CTNNA3: variants seen among roughly 807,000 people sequenced by gnomAD.
The protein encoded by CTNNA3 is catenin alpha 3.
Under a neutral mutation model 95.7 loss-of-function variants are expected in CTNNA3, and 76 were observed. The observed-to-expected ratio is 0.79, with a 90% confidence interval of 0.66 to 0.96. CTNNA3 has a LOEUF of 0.96. Ranked by LOEUF, CTNNA3 falls within the 40% of genes least tolerant of loss-of-function variation. The probability of loss-of-function intolerance (pLI) is 0.00; values close to 1 mark genes in which losing one functional copy is unlikely to be tolerated. For missense variants in CTNNA3, 1,191 were observed against 1,089.8 expected (o/e 1.09, Z -1.31); for synonymous variants, 431 against 374.4 (o/e 1.15, Z -1.74).
At chr10:66,191,035 A>C (rs2086638445) in intron 13 of CTNNA3, among the ~76,000 whole-genome samples, 1 of 152,134 alleles carries the variant, frequency 6.6e-6, no homozygotes, top group Admixed American at 6.6e-5. Context: ...TTCTGGATCA[A>C]GTCAGAATAT....
chr10:66,951,231 TC>T (rs1257315989), intron 7 of CTNNA3, among the ~76,000 whole-genome samples: 1 of 151,904 alleles, frequency 6.6e-6, no homozygotes, highest in Admixed American at 6.6e-5. Context: ...TTCTCCTGCC[TC>T]AGCCTCCTGA....
intron 5 of CTNNA3, among the ~76,000 whole-genome samples, chr10:67,410,623 C>T (rs1207079070): frequency 1.3e-5 from 2 of 149,400 alleles, no homozygotes; most frequent in South Asian, 2.1e-4. Flanking sequence ...ATGATGCTTC[C>T]CCCCACCCAA....
chr10:67,591,714 T>C (rs1379958621), intron 3 of CTNNA3, among the ~76,000 whole-genome samples: 1 of 151,860 alleles, frequency 6.6e-6, no homozygotes, highest in Non-Finnish European at 1.5e-5. Context: ...AAATATTAAA[T>C]GCATAATCAT....
intron 7 of CTNNA3, among the ~76,000 whole-genome samples, chr10:67,000,338 C>G (rs1391102622): frequency 6.6e-6 from 1 of 152,110 alleles, no homozygotes; most frequent in Non-Finnish European, 1.5e-5. Flanking sequence ...CTTGCTGACC[C>G]AATAGACAAG....
At chr10:66,443,091 C>T (rs1367426792) in intron 11 of CTNNA3, among the ~76,000 whole-genome samples, 2 of 152,118 alleles carry the variant, frequency 1.3e-5, no homozygotes, top group African/African-American at 2.4e-5. Context: ...AACTGCAAGG[C>T]CACAGGGAGG....
chr10:67,147,003 C>T (rs557895560), intron 7 of CTNNA3, among the ~76,000 whole-genome samples: 90 of 152,236 alleles, frequency 5.9e-4, no homozygotes, highest in Non-Finnish European at 1.1e-3. Flanking sequence ...CTATACCATG[C>T]AGGTTTGTGT....
At chr10:67,292,336 A>C (rs573401191) in intron 5 of CTNNA3, among the ~76,000 whole-genome samples, 1 of 152,154 alleles carries the variant, frequency 6.6e-6, no homozygotes, top group African/African-American at 2.4e-5. Flanking sequence ...AATGGGGCTG[A>C]GAGACAGGAG....
intron 7 of CTNNA3, among the ~76,000 whole-genome samples, chr10:67,172,220 T>C (rs770802891): frequency 1.3e-5 from 2 of 152,242 alleles, no homozygotes; most frequent in Non-Finnish European, 2.9e-5. Flanking sequence ...CACTTACTAC[T>C]TGGTGCTCTT....
At chr10:66,148,297 CTTGT>C (rs1002022026) in intron 13 of CTNNA3, among the ~76,000 whole-genome samples, 8 of 151,958 alleles carry the variant, frequency 5.3e-5, no homozygotes, top group African/African-American at 1.7e-4. Context: ...CCAGTCCTGG[CTTGT>C]TTAAGAAAAA....
In CTNNA3 at chr10:66,531,965, C is replaced by A. The variant is rs542674637; in HGVS notation, c.1375-11192G>T. Among the ~76,000 whole-genome samples the A allele has an allele frequency of 3.3e-4, 50 of 152,240 alleles. No individual in the cohort carries two copies. The South Asian group carries it at 9.7e-3, about 30-fold the overall frequency. On this transcript the variant is annotated intron_variant, in intron 10 of 17. Coordinates refer to ENST00000433211, the MANE Select transcript of CTNNA3 (RefSeq NM_013266.4). ...AAAAAATTGGTACTATCTCCCAAAT[C>A]ATTTCAGTTCAAATGGAGAAATTTA... is the stretch of plus-strand genomic sequence containing the variant.
At chr10:66,523,659 T>A (rs1374442514) in intron 10 of CTNNA3, among the ~76,000 whole-genome samples, 1 of 152,172 alleles carries the variant, frequency 6.6e-6, no homozygotes, top group Non-Finnish European at 1.5e-5. Context: ...TACATGTCGG[T>A]CACTTGACCC....
intron 9 of CTNNA3, among the ~76,000 whole-genome samples, chr10:66,702,196 C>T (rs766785560): frequency 1.2e-4 from 19 of 152,122 alleles, no homozygotes; most frequent in Non-Finnish European, 1.9e-4. Flanking sequence ...CACCAGAATT[C>T]CCGTAACAGC....
intron 9 of CTNNA3, among the ~76,000 whole-genome samples, chr10:66,694,878 C>T (rs1847699228): frequency 6.6e-6 from 1 of 152,072 alleles, no homozygotes; most frequent in Non-Finnish European, 1.5e-5. Context: ...TTTGGTATTT[C>T]CTCTTGTGCC....
intron 10 of CTNNA3, among the ~76,000 whole-genome samples, chr10:66,600,671 G>A (rs1385816610): frequency 3.3e-5 from 5 of 151,758 alleles, no homozygotes; most frequent in Non-Finnish European, 5.9e-5. Context: ...ATCTTACCAA[G>A]TATGATACAG....
Position 66,069,030 on chromosome 10 carries a change from C to T in CTNNA3, c.2159+278G>A, listed in dbSNP as rs148649714. Among the ~76,000 whole-genome samples the T allele has an allele frequency of 1.6e-3, 242 of 152,244 alleles. 2 individuals are homozygous for T. The highest frequency in any genetic ancestry group is 6.8e-3 in the Middle Eastern group (2 of 294). On this transcript the variant is annotated intron_variant, in intron 15 of 17. Transcript: ENST00000433211. Reference sequence around the variant, plus strand: ...CCAAATTCTTTGTAGAAGTCACATGCTAGTATGATACACAGAGCAGATGCC... The same window carrying T: ...CCAAATTCTTTGTAGAAGTCACATGTTAGTATGATACACAGAGCAGATGCC...
intron 1 of CTNNA3, among the ~76,000 whole-genome samples, chr10:67,655,782 CAAAAAAAA>C (rs11291979): frequency 1.0e-5 from 1 of 95,262 alleles, no homozygotes; most frequent in South Asian, 3.6e-4. Flanking sequence ...GACTCCGTCT[CAAAAAAAA>C]AAAAAAAAAA....
chr10:66,695,454 A>C (rs1433244142), intron 9 of CTNNA3, among the ~76,000 whole-genome samples: 1 of 152,194 alleles, frequency 6.6e-6, no homozygotes, highest in Non-Finnish European at 1.5e-5. Context: ...GGAAAATGAG[A>C]GGTTTAAACT....
At chr10:66,382,786 A>G (rs973428034) in intron 11 of CTNNA3, among the ~76,000 whole-genome samples, 1 of 152,132 alleles carries the variant, frequency 6.6e-6, no homozygotes, top group Non-Finnish European at 1.5e-5. Flanking sequence ...TGCTGGTGAT[A>G]CCCAGGCAAA....
chr10:67,160,316 CT>C (rs1322504369), intron 7 of CTNNA3, among the ~76,000 whole-genome samples: 41 of 152,052 alleles, frequency 2.7e-4, no homozygotes, highest in Admixed American at 1.4e-3. Flanking sequence ...ATGGCATTTC[CT>C]CAAAAAAATT....
Sources: gnomAD v4.1 joint callset for allele counts (sites outside exome capture counted in the v4.1 genomes callset) on GRCh38, gnomAD v4.1.1 for gene constraint, MANE v1.5 for transcripts, NCBI Gene and HGNC (gene_info 2026-07-23, HGNC 2026-07-21) for gene names.